The following SDK2 variants were observed in gnomAD, a reference collection of about 807,000 sequenced individuals.
SDK2 encodes sidekick cell adhesion molecule 2, also known as protein sidekick-2.
Under a neutral mutation model 253.9 loss-of-function variants are expected in SDK2, and 105 were observed. The observed-to-expected ratio is 0.41, with a 90% CI of 0.35 to 0.49. The LOEUF (loss-of-function observed/expected upper bound fraction) is 0.49, where lower values mean the gene tolerates loss of function less well. Ranked by LOEUF, SDK2 falls within the 20% of genes least tolerant of loss-of-function variation. The probability of loss-of-function intolerance (pLI) is 0.06; values close to 1 mark genes in which losing one functional copy is unlikely to be tolerated. For synonymous variants in SDK2, 1,249 were observed against 1,234.9 expected (o/e 1.01, Z -0.24); for missense variants, 2,608 against 3,003.0 (o/e 0.87, Z 3.07).
Position 73,374,592 on chromosome 17 carries a change from C to A in SDK2, c.4980+4585G>T, listed in dbSNP as rs1218605310. The stretch of plus-strand genomic sequence containing the variant: ...AAGGGATTCTTTTGCCTCAGCCTCC[C>A]CAGTAGCTGGAATTACAAGCATGCG... On this transcript the variant is annotated intron_variant, in intron 36 of 44. Coordinates refer to ENST00000392650, the MANE Select transcript of SDK2 (RefSeq NM_001144952.2). Among the ~76,000 whole-genome samples the A allele has an allele frequency of 9.7e-5, 14 of 143,868 alleles. 3 individuals carry two copies. The highest frequency in any genetic ancestry group is 3.4e-4 in the African/African-American group (12 of 35,778). The allele number at this position is 143,868 out of a possible 152,430, so 94.4% of individuals were successfully genotyped here.
intron 1 of SDK2, among the ~76,000 whole-genome samples, chr17:73,528,276 T>A (rs2064141926): frequency 6.6e-6 from 1 of 152,110 alleles, no homozygotes; most frequent in Non-Finnish European, 1.5e-5. Context: ...GCTGAGTACA[T>A]CTCCAAAGTC....
In SDK2 at chr17:73,541,729, C is replaced by T. The variant is rs543828961; in HGVS notation, c.65-34132G>A. ...GCGGCAGAAGGAAGGGGGCGCGGGG[C>T]GGAGTCACGCTGAGTGACAGGAATG... is the stretch of plus-strand genomic sequence containing the variant. On this transcript the variant is annotated intron_variant, in intron 1 of 44. Coordinates refer to ENST00000392650, the MANE Select transcript of SDK2 (RefSeq NM_001144952.2). The surrounding 1 kb of genome is among the most constrained non-coding windows in gnomAD (Gnocchi z 4.3). 5.8e-4 allele frequency among the ~76,000 whole-genome samples: 89 copies of T among 152,314 alleles called. No homozygotes were observed. Among genetic ancestry groups the T allele is most frequent in the South Asian group, 2.1e-3 (10 of 4,824 alleles).
chr17:73,522,082 G>A (rs939080009), intron 1 of SDK2, among the ~76,000 whole-genome samples: 2 of 152,248 alleles, frequency 1.3e-5, no homozygotes, highest in Non-Finnish European at 2.9e-5. Flanking sequence ...TAATGGAAGT[G>A]GAATGGAAGG....
At chr17:73,524,260 T>A (rs2064107445) in intron 1 of SDK2, among the ~76,000 whole-genome samples, 1 of 152,156 alleles carries the variant, frequency 6.6e-6, no homozygotes, top group Non-Finnish European at 1.5e-5. Flanking sequence ...GGAGGCACAG[T>A]GTGATTGATA....
chr17:73,440,897 C>G lies in SDK2; in HGVS notation c.640G>C (p.Ala214Pro), dbSNP rs965309157. Residue 214 changes from alanine (A) to proline (P), a missense_variant, in exon 6 of 45, where the codon GCA becomes CCA. Physicochemically the swap from Ala to Pro is conservative, Grantham distance 27 (BLOSUM62 -1). Coordinates refer to ENST00000392650, the MANE Select transcript of SDK2 (RefSeq NM_001144952.2). The part of the protein sequence containing the change: ...ENVGGPADPI[A>P]PTIIIPPKNT... ...TTAGGTGGGATGATGATGGTGGGTG[C>G]GATGGGGTCTGCAGGCCCCCCTACA... is the stretch of plus-strand genomic sequence containing the variant. 21 of 1,551,312 alleles carry G rather than the reference C, an allele frequency of 1.4e-5. No individual in the cohort carries two copies. In the East Asian group the frequency reaches 4.6e-4, roughly 34 times the overall value.
chr17:73,485,827 T>C (rs1470989910), intron 2 of SDK2, among the ~76,000 whole-genome samples: 1 of 152,206 alleles, frequency 6.6e-6, no homozygotes, highest in African/African-American at 2.4e-5. Context: ...CCATAAACTG[T>C]GTGGCCTGTG....
intron 3 of SDK2, among the ~76,000 whole-genome samples, chr17:73,461,498 C>T (rs1324555720): frequency 3.3e-5 from 5 of 152,116 alleles, no homozygotes; most frequent in Non-Finnish European, 7.3e-5. Flanking sequence ...AGTAGGTATT[C>T]CCTAGGGGTG....
At chr17:73,404,504 C>T (rs2063054836) in intron 18 of SDK2, among the ~76,000 whole-genome samples, 1 of 152,126 alleles carries the variant, frequency 6.6e-6, no homozygotes, top group Non-Finnish European at 1.5e-5. Flanking sequence ...CGATGAGGAG[C>T]AGATGGAAAT....
In SDK2 at chr17:73,621,763, A is replaced by G. The variant is rs1308064554; in HGVS notation, c.64+22262T>C. Among the ~76,000 whole-genome samples the G allele has an allele frequency of 1.8e-4, 28 of 152,276 alleles. No homozygotes were observed. The South Asian group carries it at 4.8e-3, about 26-fold the overall frequency. On this transcript the variant is annotated intron_variant, in intron 1 of 44. Coordinates refer to ENST00000392650, the MANE Select transcript of SDK2 (RefSeq NM_001144952.2). The stretch of plus-strand genomic sequence containing the variant: ...ATATCCATAGAAATTACTCAATCTG[A>G]AGAACAGAGAGTAAGAAGATTGAAA...
intron 1 of SDK2, among the ~76,000 whole-genome samples, chr17:73,624,398 C>G (rs2046174894): frequency 6.6e-6 from 1 of 152,156 alleles, no homozygotes; most frequent in South Asian, 2.1e-4. Flanking sequence ...AAGGCTGAGG[C>G]ATGAAAATCT....
intron 38 of SDK2, 31 bp downstream of exon 38, chr17:73,365,227 G>A (rs767610921): frequency 3.3e-6 from 5 of 1,515,304 alleles, no homozygotes; most frequent in Middle Eastern, 2.0e-4. Flanking sequence ...AAAGTGGGGG[G>A]CTGGGGAGCT....
At chr17:73,460,806 T>C (rs1275243163) in intron 3 of SDK2, among the ~76,000 whole-genome samples, 1 of 152,252 alleles carries the variant, frequency 6.6e-6, no homozygotes, top group Admixed American at 6.5e-5. Flanking sequence ...AAAAATTACA[T>C]CAATGAATCA....
At chr17:73,397,706 T>C (rs1380867783) in intron 24 of SDK2, among the ~76,000 whole-genome samples, 2 of 152,210 alleles carry the variant, frequency 1.3e-5, no homozygotes, top group Non-Finnish European at 2.9e-5. Context: ...GTGGGCAAGT[T>C]CTTAACCTCT....
At chr17:73,369,322 T>A (rs868000) in intron 36 of SDK2, 222,641 of 310,820 alleles carry the variant, frequency 0.72, 80,777 homozygotes, top group East Asian at 0.9. Flanking sequence ...TGGTGAGGGA[T>A]GCAGAGTCTC....
At chr17:73,483,631 GTATATATA>G (rs1167237578) in intron 2 of SDK2, among the ~76,000 whole-genome samples, 192 of 78,826 alleles carry the variant, frequency 2.4e-3, no homozygotes, top group Middle Eastern at 0.013. Context: ...ATATGTATAT[GTATATATA>G]TATGTGTGTG....
intron 36 of SDK2, among the ~76,000 whole-genome samples, chr17:73,374,240 C>G (rs1489638156): frequency 6.9e-6 from 1 of 144,678 alleles, no homozygotes; most frequent in Non-Finnish European, 1.5e-5. Context: ...TAATTCACAT[C>G]TCTGGTTTGA....
At chr17:73,442,547 G>T (rs879698199) in intron 5 of SDK2, among the ~76,000 whole-genome samples, 4 of 152,072 alleles carry the variant, frequency 2.6e-5, no homozygotes, top group African/African-American at 4.8e-5. Flanking sequence ...CACTATGTTG[G>T]CCAGGCTGGT....
At chr17:73,545,458 G>C (rs2044947603) in intron 1 of SDK2, among the ~76,000 whole-genome samples, 2 of 152,196 alleles carry the variant, frequency 1.3e-5, no homozygotes, top group Non-Finnish European at 2.9e-5. Flanking sequence ...GTAGGGGTTA[G>C]AGATGAGGGG....
intron 3 of SDK2, among the ~76,000 whole-genome samples, chr17:73,457,222 TCTTCCTTCCTTCCTTCCTTC>T (rs150011955): frequency 9.7e-4 from 40 of 41,326 alleles, no homozygotes; most frequent in African/African-American, 1.9e-3. Flanking sequence ...TTTTCTTTTC[TCTTCCTTCCTTCCTTCCTTC>T]CTTCCTTCCT....
Sources: gnomAD v4.1 joint callset for allele counts (sites outside exome capture counted in the v4.1 genomes callset) on GRCh38, gnomAD v4.1.1 for gene constraint, Gnocchi (gnomAD v3.1) non-coding constraint, MANE v1.5 for transcripts, NCBI Gene and HGNC (gene_info 2026-07-23, HGNC 2026-07-21) for gene names.